PLGRKT: variants seen among roughly 807,000 people sequenced by gnomAD.
The protein encoded by PLGRKT is plasminogen receptor (KT).
A neutral mutation model predicts 18.5 loss-of-function variants in PLGRKT; 22 were observed. The observed-to-expected ratio is 1.19, with a 90% CI of 0.85 to 1.70. The LOEUF (loss-of-function observed/expected upper bound fraction) is 1.70. Ranked by LOEUF, PLGRKT falls within the 40% of genes most tolerant of loss-of-function variation. PLGRKT has a pLI of 0.00. For synonymous variants in PLGRKT, 72 were observed against 52.8 expected (o/e 1.36, Z -1.58); for missense variants, 235 against 174.4 (o/e 1.35, Z -1.96).
intron 3 of PLGRKT, among the ~76,000 whole-genome samples, chr9:5,431,635 G>A (rs1384077031): frequency 6.6e-6 from 1 of 151,986 alleles, no homozygotes; most frequent in Non-Finnish European, 1.5e-5. Flanking sequence ...TTTGGGGGTG[G>A]GGGGCATTAT....
chr9:5,373,287 T>C (rs1817563409), intron 3 of PLGRKT, among the ~76,000 whole-genome samples: 1 of 152,190 alleles, frequency 6.6e-6, no homozygotes, highest in Non-Finnish European at 1.5e-5. Flanking sequence ...TCTCTGAAAT[T>C]AAGCCTTCCA....
At chr9:5,359,684 A>T (rs942836289) in intron 5 of PLGRKT, among the ~76,000 whole-genome samples, 2 of 152,196 alleles carry the variant, frequency 1.3e-5, no homozygotes, top group African/African-American at 2.4e-5. Context: ...TTCTAATGTG[A>T]TAAGTTTTCT....
intron 3 of PLGRKT, among the ~76,000 whole-genome samples, chr9:5,411,547 GAT>G (rs770923799): frequency 2.8e-4 from 42 of 152,156 alleles, no homozygotes; most frequent in Non-Finnish European, 5.7e-4. Flanking sequence ...ACCAGTAAGT[GAT>G]AGAGTCAGGT....
At chr9:5,362,048 T>G (rs907955579) in intron 3 of PLGRKT, among the ~76,000 whole-genome samples, 160 bp from the exon 4 acceptor site, 1 of 152,200 alleles carries the variant, frequency 6.6e-6, no homozygotes, top group East Asian at 1.9e-4. Flanking sequence ...TTTGGACAGC[T>G]CTCACCAACT....
chr9:5,386,412 G>A (rs548756955), intron 3 of PLGRKT, among the ~76,000 whole-genome samples: 7 of 151,956 alleles, frequency 4.6e-5, no homozygotes, highest in African/African-American at 1.7e-4. Flanking sequence ...ACTTATGATT[G>A]TCACAATTGA....
chr9:5,395,615 T>G (rs1586723710), intron 3 of PLGRKT, among the ~76,000 whole-genome samples: 2 of 151,930 alleles, frequency 1.3e-5, no homozygotes, highest in Non-Finnish European at 2.9e-5. Flanking sequence ...GTTTAAACAG[T>G]GCAAATTCCT....
chr9:5,399,198 G>A (rs1818107856), intron 3 of PLGRKT, among the ~76,000 whole-genome samples: 1 of 151,550 alleles, frequency 6.6e-6, no homozygotes, highest in Admixed American at 6.6e-5. Flanking sequence ...TATTTTGGTG[G>A]GACTCCTGTG....
intron 3 of PLGRKT, among the ~76,000 whole-genome samples, chr9:5,369,625 G>A (rs1426421043): frequency 6.6e-6 from 1 of 152,040 alleles, no homozygotes; most frequent in Non-Finnish European, 1.5e-5. Flanking sequence ...TTACTATAAA[G>A]ACACATGCAC....
At position 5,418,793 on chromosome 9, in the gene PLGRKT, C is replaced by T. The variant is rs1437403957; in HGVS notation, c.81+13104G>A. Reference sequence around the variant, plus strand: ...TCGAGGAGCTGCGACACGGAGAAGTCAGGGGGCAGCTTGGTGACACCGCTG... The same window carrying T: ...TCGAGGAGCTGCGACACGGAGAAGTTAGGGGGCAGCTTGGTGACACCGCTG... On this transcript the variant is annotated intron_variant, in intron 3 of 5. Transcript: ENST00000223864. The surrounding 1 kb of genome is among the most constrained non-coding windows in gnomAD (Gnocchi z 4.2). The T allele has an allele frequency of 6.9e-6, 6 of 864,790 alleles. No homozygotes were observed. In the East Asian group the frequency reaches 1.5e-4, roughly 22 times the overall value. 53.6% of individuals were successfully genotyped at this position (864,790 alleles called of 1,614,324 possible). A position where few individuals can be genotyped will look rare whatever the true frequency, so the allele number is the denominator to read the frequency against.
chr9:5,423,388 T>C (rs1364720567), intron 3 of PLGRKT, among the ~76,000 whole-genome samples: 1 of 152,344 alleles, frequency 6.6e-6, no homozygotes, highest in East Asian at 1.9e-4. Flanking sequence ...TTTATAATTA[T>C]ATTTGGAACA....
intron 3 of PLGRKT, among the ~76,000 whole-genome samples, chr9:5,370,311 G>A (rs1024432029): frequency 6.6e-6 from 1 of 152,002 alleles, no homozygotes; most frequent in African/African-American, 2.4e-5. Context: ...ATTATGTAAA[G>A]GTCCACAGAC....
At chr9:5,374,424 A>G (rs1165729087) in intron 3 of PLGRKT, among the ~76,000 whole-genome samples, 4 of 152,210 alleles carry the variant, frequency 2.6e-5, no homozygotes, top group African/African-American at 9.6e-5. Flanking sequence ...TAGACAAGAC[A>G]TGGTCTTTAA....
At chr9:5,394,607 C>G (rs931162320) in intron 3 of PLGRKT, among the ~76,000 whole-genome samples, 1 of 151,726 alleles carries the variant, frequency 6.6e-6, no homozygotes, top group Non-Finnish European at 1.5e-5. Context: ...GAGGCAGAGT[C>G]TCACCATGTT....
intron 3 of PLGRKT, among the ~76,000 whole-genome samples, chr9:5,396,499 T>C (rs1586724334): frequency 1.3e-5 from 2 of 149,692 alleles, no homozygotes; most frequent in Admixed American, 6.6e-5. Flanking sequence ...TTCACCATGT[T>C]GGCCAGGCTG....
intron 3 of PLGRKT, among the ~76,000 whole-genome samples, chr9:5,380,520 TATC>T (rs1028180679): frequency 5.9e-5 from 9 of 152,160 alleles, no homozygotes; most frequent in African/African-American, 2.2e-4. Flanking sequence ...TATCATCAAA[TATC>T]ATTTTCTCAG....
chr9:5,424,335 A>C (rs1483774175), intron 3 of PLGRKT, among the ~76,000 whole-genome samples: 1 of 134,492 alleles, frequency 7.4e-6, no homozygotes, highest in Non-Finnish European at 1.5e-5. Context: ...TATTATATAT[A>C]ATATATTATC....
chr9:5,378,209 G>A (rs1237692894), intron 3 of PLGRKT, among the ~76,000 whole-genome samples: 4 of 152,208 alleles, frequency 2.6e-5, no homozygotes, highest in Non-Finnish European at 4.4e-5. Flanking sequence ...GGATAAAGGT[G>A]CATAAAGAGA....
chr9:5,383,915 G>A (rs73395274), intron 3 of PLGRKT, among the ~76,000 whole-genome samples: 5,344 of 152,204 alleles, frequency 0.035, 304 homozygotes, highest in African/African-American at 0.12. Flanking sequence ...GCCAGGGAAT[G>A]GAGGAGAAGC....
chr9:5,364,510 C>T (rs1405363810), intron 3 of PLGRKT, among the ~76,000 whole-genome samples: 1 of 152,148 alleles, frequency 6.6e-6, no homozygotes. Context: ...TTTTACAAAT[C>T]AGCCAAAAGG....
Sources: allele counts gnomAD v4.1 joint callset (sites outside exome capture counted in the v4.1 genomes callset), GRCh38; gene constraint gnomAD v4.1.1; non-coding constraint Gnocchi (gnomAD v3.1); transcripts MANE v1.5; gene names NCBI Gene and HGNC (gene_info 2026-07-23, HGNC 2026-07-21).